Variants in NKIRAS1 observed in about 807,000 individuals in gnomAD.
NKIRAS1 encodes the protein NF-kappa-B inhibitor-interacting Ras-like protein 1.
A neutral mutation model predicts 19.8 loss-of-function variants in NKIRAS1; 16 were observed. The observed-to-expected ratio is 0.81, with a 90% confidence interval of 0.55 to 1.23. The LOEUF (loss-of-function observed/expected upper bound fraction) is 1.23, where lower values mean the gene tolerates loss of function less well. Among genes scored for constraint, NKIRAS1 ranks in the 50% most tolerant of loss-of-function variants. NKIRAS1 has a pLI of 0.00. For missense variants in NKIRAS1, 184 were observed against 220.0 expected (o/e 0.84, Z 1.04); for synonymous variants, 88 against 79.0 (o/e 1.11, Z -0.61).
At position 23,891,319 on chromosome 3, in the gene NKIRAS1, G is replaced by T. The variant is rs1353121259; in HGVS notation, c.*1776C>A. On this transcript the variant is annotated 3_prime_UTR_variant, in exon 5 of 5. Coordinates refer to ENST00000425478, the MANE Select transcript of NKIRAS1 (RefSeq NM_020345.4). ...TATTAAAAACCACCTAATAAACACTGCTGTGTTCATTTACTTTTCTTTTGC... is the reference window on the plus strand; with the variant it reads ...TATTAAAAACCACCTAATAAACACTTCTGTGTTCATTTACTTTTCTTTTGC... 2 of 152,192 alleles carry T rather than the reference G, an allele frequency of 1.3e-5. No individual in the cohort carries two copies. The highest frequency in any genetic ancestry group is 4.8e-5 in the African/African-American group (2 of 41,436). The allele number at this position is 152,192 out of a possible 1,614,324, so 9.4% of individuals were successfully genotyped here. A position where few individuals can be genotyped will look rare whatever the true frequency, so the allele number is the denominator to read the frequency against.
chr3:23,902,565 T>C (rs924968901), intron 3 of NKIRAS1, among the ~76,000 whole-genome samples: 3 of 152,336 alleles, frequency 2.0e-5, no homozygotes, highest in East Asian at 1.9e-4. Flanking sequence ...CATTTTGTCA[T>C]GTGATTTTTT....
At chr3:23,944,718 C>A (rs2125274115) in intron 1 of NKIRAS1, among the ~76,000 whole-genome samples, 1 of 152,092 alleles carries the variant, frequency 6.6e-6, no homozygotes, top group African/African-American at 2.4e-5. Context: ...CTGGGAATCA[C>A]AAGAACATAG....
Position 23,901,011 on chromosome 3 carries a change from C to T in NKIRAS1, c.133G>A (p.Ala45Thr). Residue 45 changes from alanine to threonine, a missense_variant, in exon 4 of 5, where the codon GCT (alanine) becomes ACT (threonine). Physicochemically the swap from Ala to Thr is moderately conservative, Grantham distance 58. Transcript: ENST00000425478. The stretch of plus-strand genomic sequence containing the variant: ...ACTCCTCGGTCTGTTTCTACTGAAG[C>T]CATGTATACATCTTCCATTGTTTCG... ...DCETMEDVYMASVETDRGVKE... is the reference protein window; with the variant it reads ...DCETMEDVYMTSVETDRGVKE... 1 of 1,614,116 alleles carries T rather than the reference C, an allele frequency of 6.2e-7. No homozygotes were observed. Among genetic ancestry groups the T allele is most frequent in the Non-Finnish European group, 8.5e-7 (1 of 1,179,990 alleles).
chr3:23,929,053 A>G lies in NKIRAS1; in HGVS notation c.-140+17270T>C, dbSNP rs533197525. On this transcript the variant is annotated intron_variant, in intron 1 of 4. Transcript: ENST00000421515. ...AGAAAATATATTTAAAACAAAAATT[A>G]AAATTAACTGTAAAAACCATGTTTT... Among the ~76,000 whole-genome samples, 3 of 151,722 alleles carry G rather than the reference A, an allele frequency of 2.0e-5. No individual in the cohort carries two copies. The South Asian group carries it at 6.2e-4, about 32-fold the overall frequency.
intron 3 of NKIRAS1, among the ~76,000 whole-genome samples, chr3:23,907,873 TTG>T (rs978015148): frequency 9.9e-5 from 15 of 152,228 alleles, no homozygotes; most frequent in African/African-American, 3.4e-4. Context: ...GGAAAATCTC[TTG>T]TGTGTTTTAA....
intron 1 of NKIRAS1, among the ~76,000 whole-genome samples, chr3:23,935,309 A>G (rs1392003068): frequency 1.3e-5 from 2 of 152,106 alleles, no homozygotes; most frequent in Non-Finnish European, 2.9e-5. Context: ...AAATCTACCA[A>G]ATTTGATAAG....
chr3:23,892,363 T>C lies in NKIRAS1; in HGVS notation c.*732A>G, dbSNP rs937038391. ...AAGATACAGTCTTCCTTCCAGAAAA[T>C]ACAGCTTTACTGTCCTTAAGTGCCT... On this transcript the variant is annotated 3_prime_UTR_variant, in exon 5 of 5. Coordinates refer to ENST00000425478, the MANE Select transcript of NKIRAS1 (RefSeq NM_020345.4). 6.6e-6 allele frequency: 1 copy of C among 152,184 alleles called. No homozygotes were observed. Among genetic ancestry groups the C allele is most frequent in the African/African-American group, 2.4e-5 (1 of 41,454 alleles). The allele number at this position is 152,184 out of a possible 1,614,324, so 9.4% of individuals were successfully genotyped here.
rs1044710384 is a variant in NKIRAS1, at chr3:23,946,147, T to G, written c.-140+176A>C. 1.8e-5 allele frequency: 18 copies of G among 984,574 alleles called. No homozygotes were observed. In the African/African-American group the frequency reaches 3.0e-4, roughly 16 times the overall value. The allele number at this position is 984,574 out of a possible 1,614,324, so 61.0% of individuals were successfully genotyped here. Reference sequence around the variant, plus strand: ...CCTCCTCCCCCGCGGGGTTGCACACTGCGGAGGAGGCCGCGCGTGCGCGCC... The same window carrying G: ...CCTCCTCCCCCGCGGGGTTGCACACGGCGGAGGAGGCCGCGCGTGCGCGCC... On this transcript the variant is annotated intron_variant, in intron 1 of 4. Coordinates refer to the NKIRAS1 transcript ENST00000421515.
At chr3:23,921,498 C>A, upstream of NKIRAS1, 1 of 666,718 alleles carries the variant, frequency 1.5e-6, no homozygotes, top group South Asian at 1.7e-5. Context: ...CCTGACCGCC[C>A]CACAAGCTGT....
intron 1 of NKIRAS1, among the ~76,000 whole-genome samples, chr3:23,945,840 G>A (rs1448228033): frequency 1.3e-5 from 2 of 150,670 alleles, no homozygotes; most frequent in Non-Finnish European, 3.0e-5. Flanking sequence ...CCCCTCACAT[G>A]GCCCGGCCGC....
chr3:23,893,470 A>G lies in NKIRAS1; in HGVS notation c.337-133T>C, dbSNP rs1313784601. 7 of 773,374 alleles carry G rather than the reference A, an allele frequency of 9.1e-6. No individual in the cohort carries two copies. In the East Asian group the frequency reaches 1.8e-4, roughly 20 times the overall value. 47.9% of individuals were successfully genotyped at this position (773,374 alleles called of 1,614,324 possible). On this transcript the variant is annotated intron_variant, in intron 4 of 4. Transcript: ENST00000425478. Reference sequence around the variant, plus strand: ...TAAACTGATTCTCAAGTGTGACTGGATATTAGGATTTCACCTTACTCCTTA... The same window carrying G: ...TAAACTGATTCTCAAGTGTGACTGGGTATTAGGATTTCACCTTACTCCTTA...
upstream of NKIRAS1, chr3:23,919,672 C>T: frequency 7.1e-6 from 10 of 1,399,940 alleles, no homozygotes; most frequent in Non-Finnish European, 9.2e-6. Flanking sequence ...GGTGGTGTAT[C>T]TTGTTTCTAA....
upstream of NKIRAS1, chr3:23,918,319 C>G: frequency 1.7e-6 from 2 of 1,185,836 alleles, no homozygotes; most frequent in Non-Finnish European, 1.2e-6. Flanking sequence ...TTATTTTTTT[C>G]TATTAGATAG....
At chr3:23,918,006 C>G, upstream of NKIRAS1, 5 of 1,610,132 alleles carry the variant, frequency 3.1e-6, no homozygotes, top group Non-Finnish European at 4.2e-6. Flanking sequence ...ATAAAGCGCG[C>G]CGACTGGGCT....
intron 4 of NKIRAS1, among the ~76,000 whole-genome samples, chr3:23,895,895 G>A (rs1285458590): frequency 6.6e-6 from 1 of 152,096 alleles, no homozygotes; most frequent in East Asian, 1.9e-4. Context: ...CGTACTTTGG[G>A]AGGTGGAGGT....
chr3:23,917,782 A>G, upstream of NKIRAS1: 3 of 1,458,408 alleles, frequency 2.1e-6, no homozygotes, highest in South Asian at 1.3e-5. Context: ...GGGAACTAAG[A>G]TGGACGGATA....
chr3:23,918,676 G>A (rs35566344), upstream of NKIRAS1: 24 of 1,377,532 alleles, frequency 1.7e-5, no homozygotes, highest in African/African-American at 2.9e-4. Flanking sequence ...GAGCTGTCTC[G>A]TATATAAAAC....
intron 1 of NKIRAS1, chr3:23,946,081 G>A: frequency 1.0e-6 from 1 of 984,186 alleles, no homozygotes; most frequent in Non-Finnish European, 1.2e-6. Flanking sequence ...GGGAGGCTCC[G>A]CCCCTTTGGA....
intron 3 of NKIRAS1, 125 bp downstream of exon 3, chr3:23,910,685 CT>C: frequency 3.0e-6 from 2 of 675,194 alleles, no homozygotes; most frequent in Non-Finnish European, 5.2e-6. Context: ...CTCTTAATCT[CT>C]TTTGGTCCCT....
Sources: allele counts gnomAD v4.1 joint callset (sites outside exome capture counted in the v4.1 genomes callset), GRCh38; gene constraint gnomAD v4.1.1; transcripts MANE v1.5; gene names NCBI Gene and HGNC (gene_info 2026-07-23, HGNC 2026-07-21).